The following RORA variants were observed in gnomAD, a reference collection of about 807,000 sequenced individuals.
RORA encodes the protein nuclear receptor ROR-alpha.
A neutral mutation model predicts 69.5 loss-of-function variants in RORA; 7 were observed. The observed-to-expected ratio is 0.10, with a 90% CI of 0.06 to 0.19. The LOEUF is 0.19. Ranked by LOEUF, RORA falls within the 10% of genes least tolerant of loss-of-function variation. The pLI is 1.00. For missense variants in RORA, 457 were observed against 663.0 expected (o/e 0.69, Z 3.41); for synonymous variants, 261 against 240.8 (o/e 1.08, Z -0.78).
At chr15:60,883,658 T>G (rs756975278) in intron 1 of RORA, among the ~76,000 whole-genome samples, 7 of 152,224 alleles carry the variant, frequency 4.6e-5, no homozygotes, top group African/African-American at 7.2e-5. Context: ...TACAGATAAT[T>G]AGAATCTTTT....
chr15:61,054,341 T>C (rs1173697197), intron 1 of RORA, among the ~76,000 whole-genome samples: 2 of 151,372 alleles, frequency 1.3e-5, no homozygotes, highest in East Asian at 3.9e-4. Flanking sequence ...TGTTCTCCCA[T>C]AGATGCAACA....
At chr15:60,872,680 G>A (rs1220869273) in intron 1 of RORA, among the ~76,000 whole-genome samples, 1 of 152,170 alleles carries the variant, frequency 6.6e-6, no homozygotes, top group African/African-American at 2.4e-5. Context: ...TTGTTGATTT[G>A]TCATTCCAAT....
At chr15:60,764,320 A>T (rs565228181) in intron 1 of RORA, among the ~76,000 whole-genome samples, 9 of 152,102 alleles carry the variant, frequency 5.9e-5, no homozygotes, top group African/African-American at 2.2e-4. Flanking sequence ...TCCCTGAGTG[A>T]CCTTGGGCGA....
chr15:60,605,018 T>G (rs1047159006), intron 2 of RORA, among the ~76,000 whole-genome samples: 2 of 152,200 alleles, frequency 1.3e-5, no homozygotes, highest in African/African-American at 2.4e-5. Flanking sequence ...ACAGGGAGTT[T>G]ATTTGGACAT....
At chr15:61,125,486 T>A (rs1465467598) in intron 1 of RORA, among the ~76,000 whole-genome samples, 4 of 152,212 alleles carry the variant, frequency 2.6e-5, no homozygotes. Flanking sequence ...GCCAACAAAT[T>A]TCGTGGAATT....
Position 61,226,420 on chromosome 15 carries a change from G to T in RORA, c.166+2633C>A, listed in dbSNP as rs2080145551. On this transcript the variant is annotated intron_variant, in intron 1 of 10. Coordinates refer to ENST00000335670, the MANE Select transcript of RORA (RefSeq NM_134261.3). The surrounding 1 kb of genome is among the most constrained non-coding windows in gnomAD (Gnocchi z 4.2). ...CTAGTGTGTAGGTTAATTTCTTTCC[G>T]ATATTGTAATTTATGCAACATTAAT... Among the ~76,000 whole-genome samples, 1 of 152,022 alleles carries T rather than the reference G, an allele frequency of 6.6e-6. No individual in the cohort carries two copies. The highest frequency in any genetic ancestry group is 1.5e-5 in the Non-Finnish European group (1 of 68,028).
chr15:60,761,419 T>C (rs2071888076), intron 1 of RORA, among the ~76,000 whole-genome samples: 1 of 152,144 alleles, frequency 6.6e-6, no homozygotes, highest in Non-Finnish European at 1.5e-5. Context: ...AGGGGCAGCA[T>C]TACAAACATC....
intron 1 of RORA, among the ~76,000 whole-genome samples, chr15:60,952,345 G>T (rs1893134938): frequency 1.3e-5 from 2 of 152,110 alleles, no homozygotes; most frequent in Admixed American, 1.3e-4. Context: ...TACTGAATGG[G>T]CAAAAACTGA....
At chr15:60,610,138 A>C (rs2069051382) in intron 2 of RORA, among the ~76,000 whole-genome samples, 1 of 151,900 alleles carries the variant, frequency 6.6e-6, no homozygotes, top group Non-Finnish European at 1.5e-5. Context: ...TGAGCCCTGC[A>C]AAGAGCTCAC....
At chr15:60,694,966 T>C (rs948412090) in intron 1 of RORA, among the ~76,000 whole-genome samples, 3 of 152,202 alleles carry the variant, frequency 2.0e-5, no homozygotes, top group Non-Finnish European at 4.4e-5. Flanking sequence ...GATTTATTTG[T>C]CTATGAAATC....
intron 1 of RORA, among the ~76,000 whole-genome samples, chr15:61,013,467 C>T (rs1196588124): frequency 1.3e-5 from 2 of 152,174 alleles, no homozygotes; most frequent in Non-Finnish European, 2.9e-5. Flanking sequence ...TGCTTTGTTA[C>T]CTGCAAATAC....
intron 1 of RORA, among the ~76,000 whole-genome samples, chr15:60,692,698 T>C (rs1042445185): frequency 3.9e-5 from 6 of 152,216 alleles, no homozygotes; most frequent in Non-Finnish European, 8.8e-5. Flanking sequence ...TTCATTCCAC[T>C]GTTGCCCCTC....
intron 1 of RORA, among the ~76,000 whole-genome samples, chr15:60,984,514 A>G (rs1276099319): frequency 1.3e-5 from 2 of 151,964 alleles, no homozygotes; most frequent in East Asian, 3.9e-4. Context: ...GAATGTGGAC[A>G]CATAAATACA....
intron 1 of RORA, among the ~76,000 whole-genome samples, chr15:60,702,848 T>C (rs55939745): frequency 2.6e-5 from 4 of 152,330 alleles, no homozygotes; most frequent in East Asian, 1.9e-4. Context: ...TCTCCTTCCA[T>C]GGTCACCTTG....
Position 61,189,856 on chromosome 15 carries a change from C to CAAAAAAAAAAAAAAA in RORA, c.166+39182_166+39196dup, listed in dbSNP as rs71125907. Among the ~76,000 whole-genome samples the CAAAAAAAAAAAAAAA allele has an allele frequency of 9.3e-5, 4 of 42,894 alleles. 2 individuals carry two copies. The highest frequency in any genetic ancestry group is 2.2e-4 in the African/African-American group (2 of 9,152). The allele number at this position is 42,894 out of a possible 152,430, so 28.1% of individuals were successfully genotyped here. On this transcript the variant is annotated intron_variant, in intron 1 of 10. Transcript: ENST00000335670. ...TGGGTGACAGAGCGAGACTCTGTCTCAAAAAAAAAAAAAAAAAAAAAAAAA... is the reference window on the plus strand; with the variant it reads ...TGGGTGACAGAGCGAGACTCTGTCTCAAAAAAAAAAAAAAAAAAAAAAAAAAAAAAAAAAAAAAAA...
chr15:60,803,741 A>G (rs1006012156), intron 1 of RORA, among the ~76,000 whole-genome samples: 4 of 152,184 alleles, frequency 2.6e-5, no homozygotes, highest in Non-Finnish European at 4.4e-5. Flanking sequence ...GTTTATTACT[A>G]TAGCCAGCTG....
At chr15:60,758,854 C>T (rs899851454) in intron 1 of RORA, among the ~76,000 whole-genome samples, 5 of 152,168 alleles carry the variant, frequency 3.3e-5, no homozygotes, top group Admixed American at 1.3e-4. Flanking sequence ...TTCACACCCA[C>T]CAGATCATTT....
chr15:61,144,654 C>G (rs899387627), intron 1 of RORA, among the ~76,000 whole-genome samples: 4 of 152,206 alleles, frequency 2.6e-5, no homozygotes, highest in Admixed American at 1.3e-4. Context: ...TGGTTGGCAA[C>G]AGAGTTGTTA....
chr15:60,765,282 A>G (rs2071969621), intron 1 of RORA: 1 of 151,962 alleles, frequency 6.6e-6, no homozygotes, highest in Non-Finnish European at 1.5e-5. Flanking sequence ...TCCCCCACCA[A>G]ACCGAATGAA....
Sources: allele counts gnomAD v4.1 joint callset (sites outside exome capture counted in the v4.1 genomes callset), GRCh38; gene constraint gnomAD v4.1.1; non-coding constraint Gnocchi (gnomAD v3.1); transcripts MANE v1.5; gene names NCBI Gene and HGNC (gene_info 2026-07-23, HGNC 2026-07-21).